Variants in CTNNA2 observed in about 807,000 individuals in gnomAD.
CTNNA2 encodes catenin alpha-2.
CTNNA2 carries 42 observed loss-of-function variants against 101.0 expected under a neutral mutation model. The ratio of observed to expected loss-of-function variants is 0.42; its 90% CI spans 0.32 to 0.54. The LOEUF is 0.54. Among genes scored for constraint, CTNNA2 ranks in the 20% least tolerant of loss-of-function variants. CTNNA2 has a pLI of 0.14. For synonymous variants in CTNNA2, 450 were observed against 456.4 expected, an observed-to-expected ratio of 0.99 and a Z score of 0.18; for missense variants, 871 against 1,223.1, an observed-to-expected ratio of 0.71 and a Z score of 4.29.
intron 3 of CTNNA2, among the ~76,000 whole-genome samples, chr2:79,852,620 T>G (rs1200608605): frequency 6.6e-6 from 1 of 152,230 alleles, no homozygotes; most frequent in Non-Finnish European, 1.5e-5. Flanking sequence ...TGAGACGAAG[T>G]CTCACTCCGT....
At chr2:80,425,512 C>T (rs1164678599) in intron 9 of CTNNA2, among the ~76,000 whole-genome samples, 1 of 152,128 alleles carries the variant, frequency 6.6e-6, no homozygotes, top group African/African-American at 2.4e-5. Flanking sequence ...TAAGCACAAC[C>T]TTCCAATCCT....
In CTNNA2 at chr2:80,453,799, C is replaced by T. The variant is rs184950798; in HGVS notation, c.1290+34198C>T. 1.9e-4 allele frequency among the ~76,000 whole-genome samples: 29 copies of T among 152,224 alleles called. 1 individual carries two copies. Among genetic ancestry groups the T allele is most frequent in the Admixed American group, 1.5e-3 (23 of 15,286 alleles). ...TGACCTGACTGTAAATCAAAAGATA[C>T]GTTTCTATTCTCCACCCCCGTGTTT... On this transcript the variant is annotated intron_variant, in intron 9 of 18. Coordinates refer to ENST00000402739, the MANE Select transcript of CTNNA2 (RefSeq NM_001282597.3).
chr2:79,708,948 CGAATT>C (rs1266501132), intron 2 of CTNNA2, among the ~76,000 whole-genome samples: 14 of 152,136 alleles, frequency 9.2e-5, no homozygotes, highest in Non-Finnish European at 1.5e-4. Flanking sequence ...TTTCCTTTCT[CGAATT>C]GAACAACAAT....
At chr2:79,358,436 G>A (rs1368580592) in intron 3 of CTNNA2, among the ~76,000 whole-genome samples, 2 of 152,128 alleles carry the variant, frequency 1.3e-5, no homozygotes, top group African/African-American at 2.4e-5. Context: ...CTGACCTCAG[G>A]TGATTCATCT....
intron 1 of CTNNA2, among the ~76,000 whole-genome samples, chr2:79,538,645 G>A (rs906907000): frequency 7.9e-5 from 12 of 152,138 alleles, no homozygotes; most frequent in African/African-American, 2.9e-4. Context: ...ACCCAAAGTA[G>A]GGGAGCTCAG....
chr2:79,227,910 C>T (rs1674441194), intron 2 of CTNNA2, among the ~76,000 whole-genome samples: 1 of 152,152 alleles, frequency 6.6e-6, no homozygotes, highest in Non-Finnish European at 1.5e-5. Flanking sequence ...ACGGCCCTCC[C>T]CTTTCTAGTG....
chr2:79,932,618 A>G (rs1687526088), intron 7 of CTNNA2, among the ~76,000 whole-genome samples: 1 of 152,148 alleles, frequency 6.6e-6, no homozygotes, highest in Non-Finnish European at 1.5e-5. Context: ...TACTCAATTT[A>G]CAATATGAAA....
intron 9 of CTNNA2, among the ~76,000 whole-genome samples, chr2:80,460,671 C>G (rs1684348170): frequency 6.6e-6 from 1 of 152,166 alleles, no homozygotes; most frequent in African/African-American, 2.4e-5. Context: ...ACAACACACA[C>G]AGTCACACAC....
rs145720021 is a variant in CTNNA2, at chr2:80,376,117, C to G, written c.1057-17094C>G. On this transcript the variant is annotated intron_variant, in intron 7 of 18. Transcript: ENST00000402739. Reference sequence around the variant, plus strand: ...AAAATGAATCTTTTTTTTGCCCCTCCCACATCTCTACCATTATTTGATTTT... The same window carrying G: ...AAAATGAATCTTTTTTTTGCCCCTCGCACATCTCTACCATTATTTGATTTT... 4.5e-3 allele frequency among the ~76,000 whole-genome samples: 681 copies of G among 152,094 alleles called. 6 individuals are homozygous for G. Among genetic ancestry groups the G allele is most frequent in the African/African-American group, 0.016 (660 of 41,468 alleles).
At chr2:79,753,535 T>G (rs1250438149) in intron 3 of CTNNA2, among the ~76,000 whole-genome samples, 1 of 152,232 alleles carries the variant, frequency 6.6e-6, no homozygotes, top group Admixed American at 6.5e-5. Context: ...CCTGCCTTCG[T>G]TCGACAACAG....
intron 2 of CTNNA2, among the ~76,000 whole-genome samples, chr2:79,304,015 A>G (rs1178854677): frequency 1.3e-5 from 2 of 152,092 alleles, no homozygotes. Flanking sequence ...GTATGCTGCT[A>G]CTGGGAGCAC....
At chr2:80,620,690 T>A (rs1289035468) in intron 18 of CTNNA2, among the ~76,000 whole-genome samples, 1 of 151,930 alleles carries the variant, frequency 6.6e-6, no homozygotes, top group Non-Finnish European at 1.5e-5. Context: ...CCATTAAAAG[T>A]ACTAGACCCC....
In CTNNA2 at chr2:80,065,534, A is replaced by G. The variant is rs571020264; in HGVS notation, c.1056+155737A>G. 2.0e-5 allele frequency among the ~76,000 whole-genome samples: 3 copies of G among 151,998 alleles called. No individual in the cohort carries two copies. In the South Asian group the frequency reaches 6.2e-4, roughly 32 times the overall value. Reference sequence around the variant, plus strand: ...ACACCTAGCTAATTTCTGTATTTTCAGTAGAGACAGGGTTTCACCATGTTG... The same window carrying G: ...ACACCTAGCTAATTTCTGTATTTTCGGTAGAGACAGGGTTTCACCATGTTG... On this transcript the variant is annotated intron_variant, in intron 7 of 18. Coordinates refer to ENST00000402739, the MANE Select transcript of CTNNA2 (RefSeq NM_001282597.3).
intron 7 of CTNNA2, among the ~76,000 whole-genome samples, chr2:79,910,386 G>A (rs955451699): frequency 6.6e-6 from 1 of 152,060 alleles, no homozygotes; most frequent in Non-Finnish European, 1.5e-5. Context: ...ATTGTATTTT[G>A]GCACATAATA....
chr2:79,478,933 G>A (rs1671080529), intron 4 of CTNNA2, among the ~76,000 whole-genome samples: 1 of 152,162 alleles, frequency 6.6e-6, no homozygotes, highest in African/African-American at 2.4e-5. Context: ...CACCACTGGA[G>A]CAGCTTTCCA....
chr2:79,196,825 C>T (rs759717892), intron 1 of CTNNA2, among the ~76,000 whole-genome samples: 5 of 152,094 alleles, frequency 3.3e-5, no homozygotes, highest in Non-Finnish European at 5.9e-5. Flanking sequence ...TGCTTAGGGT[C>T]AAAAATGTGT....
At chr2:80,526,617 G>T (rs1690060264) in intron 9 of CTNNA2, among the ~76,000 whole-genome samples, 1 of 152,180 alleles carries the variant, frequency 6.6e-6, no homozygotes, top group Non-Finnish European at 1.5e-5. Flanking sequence ...ACAGACGTGA[G>T]CCACTGTGCC....
intron 2 of CTNNA2, among the ~76,000 whole-genome samples, chr2:79,229,464 A>C (rs1009468302): frequency 1.3e-5 from 2 of 152,154 alleles, no homozygotes; most frequent in Non-Finnish European, 2.9e-5. Flanking sequence ...CCACCATATA[A>C]GAAGTGCCCT....
At chr2:79,457,689 A>C (rs1670840380) in intron 4 of CTNNA2, among the ~76,000 whole-genome samples, 1 of 152,168 alleles carries the variant, frequency 6.6e-6, no homozygotes, top group African/African-American at 2.4e-5. Flanking sequence ...GTATTTCCCT[A>C]AGGAGGGAAA....
Sources: allele counts gnomAD v4.1 joint callset (sites outside exome capture counted in the v4.1 genomes callset), GRCh38; gene constraint gnomAD v4.1.1; transcripts MANE v1.5; gene names NCBI Gene and HGNC (gene_info 2026-07-23, HGNC 2026-07-21).